The following SUGCT variants were observed in gnomAD, a reference collection of about 807,000 sequenced individuals.
SUGCT encodes the protein succinyl-CoA:glutarate CoA-transferase.
In SUGCT, 41 loss-of-function variants were observed where a neutral mutation model predicts 55.0. That is an observed-to-expected ratio of 0.74 (90% CI 0.58 to 0.97). The LOEUF is 0.97. SUGCT is among the 50% of genes least tolerant of loss of function. SUGCT has a pLI of 0.00. For missense variants in SUGCT, 568 were observed against 547.8 expected, an observed-to-expected ratio of 1.04 and a Z score of -0.37; for synonymous variants, 187 against 200.4, an observed-to-expected ratio of 0.93 and a Z score of 0.56.
chr7:40,175,144 CTTCT>C (rs1180708080), intron 1 of SUGCT, among the ~76,000 whole-genome samples: 3 of 151,892 alleles, frequency 2.0e-5, no homozygotes, highest in Non-Finnish European at 2.9e-5. Flanking sequence ...AAAAACCTTT[CTTCT>C]TTATTTTTTA....
the SUGCT span, among the ~76,000 whole-genome samples, chr7:40,900,192 A>G: frequency 0.18 from 27,249 of 152,242 alleles, 2,545 homozygotes; most frequent in African/African-American, 0.21. Context: ...GCGTATTTCA[A>G]ATCATCTTGT....
At chr7:40,898,816 C>T in the SUGCT span, among the ~76,000 whole-genome samples, 4 of 152,038 alleles carry the variant, frequency 2.6e-5, no homozygotes, top group South Asian at 2.1e-4. Flanking sequence ...GAACAATACT[C>T]GGTGAGGCTT....
At chr7:41,004,219 G>A in the SUGCT span, among the ~76,000 whole-genome samples, 2 of 152,278 alleles carry the variant, frequency 1.3e-5, no homozygotes, top group Admixed American at 6.5e-5. Flanking sequence ...CATTAGATTC[G>A]CTGACTGCTT....
intron 9 of SUGCT, among the ~76,000 whole-genome samples, chr7:40,431,559 C>T (rs942022885): frequency 2.0e-5 from 3 of 152,252 alleles, no homozygotes; most frequent in Admixed American, 6.5e-5. Flanking sequence ...ATTAATTCTT[C>T]TGATCCATGA....
In SUGCT at chr7:40,677,320, CT is replaced by C. The variant is rs567662618; in HGVS notation, c.1090-72113del. On this transcript the variant is annotated intron_variant, in intron 12 of 13. Coordinates refer to ENST00000335693, the MANE Select transcript of SUGCT (RefSeq NM_001193313.2). Reference sequence around the variant, plus strand: ...CAGCCGTAAGTGATAGAACACTTAGCTAACAGTGGTATAAAAACAGGGTTTA... The same window carrying C: ...CAGCCGTAAGTGATAGAACACTTAGCAACAGTGGTATAAAAACAGGGTTTA... Among the ~76,000 whole-genome samples the C allele has an allele frequency of 2.4e-3, 358 of 152,284 alleles. 2 individuals are homozygous for C. The Middle Eastern group carries it at 0.027, about 12-fold the overall frequency.
chr7:40,695,494 C>T (rs752721037), intron 12 of SUGCT, among the ~76,000 whole-genome samples: 2 of 152,020 alleles, frequency 1.3e-5, no homozygotes, highest in Admixed American at 6.6e-5. Context: ...CTGCGCCCAG[C>T]CCAAACCCTT....
intron 1 of SUGCT, among the ~76,000 whole-genome samples, chr7:40,138,521 AT>A (rs1221064265): frequency 3.9e-5 from 6 of 152,146 alleles, no homozygotes; most frequent in Non-Finnish European, 8.8e-5. Flanking sequence ...CAGTAGTGGG[AT>A]TGCTGCATCT....
chr7:40,382,247 A>G (rs543565206), intron 9 of SUGCT, among the ~76,000 whole-genome samples: 2 of 152,204 alleles, frequency 1.3e-5, no homozygotes, highest in Admixed American at 6.5e-5. Flanking sequence ...TGCATAATCT[A>G]GTGACTGTGA....
the SUGCT span, among the ~76,000 whole-genome samples, chr7:41,027,390 C>T: frequency 6.6e-6 from 1 of 152,192 alleles, no homozygotes; most frequent in African/African-American, 2.4e-5. Flanking sequence ...TCCTTGGTGA[C>T]ATTGTGGTGA....
At chr7:40,994,640 G>A in the SUGCT span, among the ~76,000 whole-genome samples, 1 of 152,200 alleles carries the variant, frequency 6.6e-6, no homozygotes, top group Non-Finnish European at 1.5e-5. Flanking sequence ...GTTAGTCCAT[G>A]TGGTCTGCTA....
chr7:40,300,916 A>C (rs1487976569), intron 8 of SUGCT, among the ~76,000 whole-genome samples: 1 of 152,190 alleles, frequency 6.6e-6, no homozygotes, highest in Non-Finnish European at 1.5e-5. Flanking sequence ...GTTCCTGTGA[A>C]GTGATGGCCA....
chr7:40,769,144 G>A (rs1161733693), intron 13 of SUGCT, among the ~76,000 whole-genome samples: 1 of 152,124 alleles, frequency 6.6e-6, no homozygotes, highest in Admixed American at 6.5e-5. Flanking sequence ...GCAAGGAATC[G>A]AACATAGCAG....
chr7:40,518,906 A>C (rs1394594662), intron 12 of SUGCT, among the ~76,000 whole-genome samples: 2 of 152,130 alleles, frequency 1.3e-5, no homozygotes, highest in Non-Finnish European at 2.9e-5. Context: ...ATAAATATTC[A>C]TGATATAATA....
intron 6 of SUGCT, among the ~76,000 whole-genome samples, chr7:40,212,258 C>CT (rs1229897599): frequency 2.1e-5 from 3 of 146,238 alleles, no homozygotes; most frequent in Non-Finnish European, 4.6e-5. Context: ...GACCCCATAT[C>CT]TAAAAAAAAA....
the SUGCT span, among the ~76,000 whole-genome samples, chr7:40,982,983 T>A: frequency 6.6e-6 from 1 of 152,204 alleles, no homozygotes; most frequent in Non-Finnish European, 1.5e-5. Flanking sequence ...CCCAGAGCTC[T>A]GCACTTTTAG....
At chr7:40,564,041 T>G (rs1034561012) in intron 12 of SUGCT, among the ~76,000 whole-genome samples, 4 of 152,302 alleles carry the variant, frequency 2.6e-5, no homozygotes, top group Non-Finnish European at 4.4e-5. Flanking sequence ...TTTCTTATCT[T>G]TGGGTTGTTG....
intron 13 of SUGCT, among the ~76,000 whole-genome samples, chr7:40,841,403 G>A (rs933289008): frequency 5.9e-5 from 9 of 152,084 alleles, no homozygotes; most frequent in East Asian, 1.9e-4. Flanking sequence ...TATAGATGAC[G>A]ACAACTAAAT....
intron 12 of SUGCT, among the ~76,000 whole-genome samples, chr7:40,598,588 A>G (rs139290968): frequency 6.6e-6 from 1 of 152,380 alleles, no homozygotes; most frequent in East Asian, 1.9e-4. Flanking sequence ...TCACGTAGAC[A>G]TGAAATCCAG....
At chr7:40,709,595 T>A (rs6959899) in intron 12 of SUGCT, among the ~76,000 whole-genome samples, 16,530 of 152,210 alleles carry the variant, frequency 0.11, 1,401 homozygotes, top group East Asian at 0.27. Context: ...TTGTTCTGCC[T>A]AGCATGGAGA....
Sources: allele counts gnomAD v4.1 joint callset (sites outside exome capture counted in the v4.1 genomes callset), GRCh38; gene constraint gnomAD v4.1.1; transcripts MANE v1.5; gene names NCBI Gene and HGNC (gene_info 2026-07-23, HGNC 2026-07-21).